SLIT3: variants seen among roughly 807,000 people sequenced by gnomAD.
SLIT3 encodes the protein slit homolog 3 protein.
Under a neutral mutation model 184.0 loss-of-function variants are expected in SLIT3, and 68 were observed. The observed-to-expected ratio is 0.37, with a 90% CI of 0.30 to 0.45. The LOEUF (loss-of-function observed/expected upper bound fraction) is 0.45, where lower values mean the gene tolerates loss of function less well. Among genes scored for constraint, SLIT3 ranks in the 20% least tolerant of loss-of-function variants. The pLI is 1.00. For missense variants in SLIT3, 1,707 were observed against 2,026.0 expected, an observed-to-expected ratio of 0.84 and a Z score of 3.02; for synonymous variants, 831 against 828.6, an observed-to-expected ratio of 1.00 and a Z score of -0.05.
intron 23 of SLIT3, among the ~76,000 whole-genome samples, chr5:168,717,456 A>G (rs1258056199): frequency 1.3e-5 from 2 of 152,016 alleles, no homozygotes; most frequent in African/African-American, 4.8e-5. Context: ...CTCTTCTTTC[A>G]GGTATCGCCT....
intron 26 of SLIT3, among the ~76,000 whole-genome samples, chr5:168,702,833 C>T (rs568699968): frequency 3.3e-4 from 50 of 152,146 alleles, no homozygotes; most frequent in African/African-American, 1.1e-3. Flanking sequence ...ACACATGGAC[C>T]GTGAAGGGCA....
At chr5:169,123,845 T>C (rs1411173102) in intron 4 of SLIT3, among the ~76,000 whole-genome samples, 1 of 152,140 alleles carries the variant, frequency 6.6e-6, no homozygotes, top group Admixed American at 6.5e-5. Context: ...TTCCAGGCAA[T>C]TTGCTTGCTG....
intron 4 of SLIT3, among the ~76,000 whole-genome samples, chr5:168,948,417 C>T (rs1204268685): frequency 6.6e-6 from 1 of 152,100 alleles, no homozygotes; most frequent in African/African-American, 2.4e-5. Flanking sequence ...AGAACAGAGC[C>T]GGAGCCTGAG....
At chr5:169,096,586 T>G (rs1759792469) in intron 4 of SLIT3, among the ~76,000 whole-genome samples, 1 of 152,226 alleles carries the variant, frequency 6.6e-6, no homozygotes, top group African/African-American at 2.4e-5. Context: ...TGGCCCAAAG[T>G]CACAGTTTGC....
chr5:168,910,750 AAAAAAAAAAG>A (rs1761225716), intron 4 of SLIT3, among the ~76,000 whole-genome samples: 1 of 151,912 alleles, frequency 6.6e-6, no homozygotes, highest in Non-Finnish European at 1.5e-5. Context: ...TGTCTCAAAA[AAAAAAAAAAG>A]AAAAAAGAAG....
chr5:169,208,642 C>A (rs943142477), intron 3 of SLIT3, among the ~76,000 whole-genome samples: 9 of 152,100 alleles, frequency 5.9e-5, no homozygotes, highest in East Asian at 1.9e-4. Context: ...ACATCTACAA[C>A]CATCTGAACG....
intron 14 of SLIT3, among the ~76,000 whole-genome samples, chr5:168,771,965 G>A (rs1344497596): frequency 6.6e-6 from 1 of 151,432 alleles, no homozygotes; most frequent in East Asian, 1.9e-4. Context: ...TTCACCATTG[G>A]GGGCACAATG....
chr5:169,035,765 A>C (rs1337560268), intron 4 of SLIT3, among the ~76,000 whole-genome samples: 1 of 152,144 alleles, frequency 6.6e-6, no homozygotes, highest in Non-Finnish European at 1.5e-5. Context: ...AGGTACAGTC[A>C]CTTGCCCAAG....
chr5:168,674,210 A>G (rs1246798386), intron 32 of SLIT3, among the ~76,000 whole-genome samples: 1 of 152,158 alleles, frequency 6.6e-6, no homozygotes, highest in Non-Finnish European at 1.5e-5. Context: ...TATCTCCACT[A>G]CAGAAATGAG....
At chr5:168,986,093 A>C (rs62378602) in intron 4 of SLIT3, among the ~76,000 whole-genome samples, 3,633 of 152,318 alleles carry the variant, frequency 0.024, 59 homozygotes, top group Non-Finnish European at 0.035. Flanking sequence ...GAGTCTTCTC[A>C]AAAGGCATAT....
At chr5:168,862,763 C>T (rs1759157726) in intron 5 of SLIT3, among the ~76,000 whole-genome samples, 1 of 152,108 alleles carries the variant, frequency 6.6e-6, no homozygotes, top group Non-Finnish European at 1.5e-5. Flanking sequence ...CAAGCTCTGC[C>T]TCCCAGGATC....
intron 31 of SLIT3, among the ~76,000 whole-genome samples, chr5:168,684,921 G>T (rs167124): frequency 4.4e-4 from 67 of 151,926 alleles, no homozygotes; most frequent in African/African-American, 1.5e-3. Context: ...TCTCTTGCGG[G>T]TGGGGCCCAG....
intron 5 of SLIT3, among the ~76,000 whole-genome samples, chr5:168,880,199 G>A (rs1306369377): frequency 2.0e-5 from 3 of 152,060 alleles, no homozygotes; most frequent in Non-Finnish European, 2.9e-5. Flanking sequence ...CTCCTGCCCC[G>A]ACCTTTCCTT....
In SLIT3 at chr5:169,194,905, C is replaced by A. The variant is rs80178064; in HGVS notation, c.342-1355G>T. 7.5e-3 allele frequency among the ~76,000 whole-genome samples: 1,142 copies of A among 152,270 alleles called. 29 individuals are homozygous for A. The highest frequency in any genetic ancestry group is 0.048 in the East Asian group (247 of 5,168). ...GGAGCACTGGGCCAAGAGAGACGCCCTGCTGCATGCTAGCCCCATGCCCCT... is the reference window on the plus strand; with the variant it reads ...GGAGCACTGGGCCAAGAGAGACGCCATGCTGCATGCTAGCCCCATGCCCCT... On this transcript the variant is annotated intron_variant, in intron 3 of 35. Coordinates refer to ENST00000519560, the MANE Select transcript of SLIT3 (RefSeq NM_003062.4).
intron 3 of SLIT3, among the ~76,000 whole-genome samples, chr5:169,229,311 A>G (rs968695514): frequency 6.6e-6 from 1 of 152,240 alleles, no homozygotes; most frequent in African/African-American, 2.4e-5. Flanking sequence ...GAGGGGAAAG[A>G]GCGAGGCCCA....
intron 26 of SLIT3, among the ~76,000 whole-genome samples, chr5:168,703,939 G>A (rs1190602711): frequency 1.1e-5 from 1 of 94,000 alleles, no homozygotes; most frequent in African/African-American, 4.4e-5. Flanking sequence ...GTGAGACTCT[G>A]TCTCCAAAAA....
intron 4 of SLIT3, among the ~76,000 whole-genome samples, chr5:168,907,977 T>TAGAGAG (rs1306645535): frequency 4.0e-4 from 25 of 62,236 alleles, no homozygotes; most frequent in African/African-American, 8.1e-4. Flanking sequence ...TATATATATA[T>TAGAGAG]ATAGAGAGAG....
chr5:169,187,188 A>T (rs903590771), intron 4 of SLIT3, among the ~76,000 whole-genome samples: 1 of 126,328 alleles, frequency 7.9e-6, no homozygotes, highest in Non-Finnish European at 1.5e-5. Context: ...ATCTCAGCTT[A>T]CTTCAACCTC....
At position 168,795,473 on chromosome 5, in the gene SLIT3, C is replaced by T. The variant is rs1192848940; in HGVS notation, c.1007+34G>A. On this transcript the variant is annotated intron_variant, in intron 10 of 35. Coordinates refer to ENST00000519560, the MANE Select transcript of SLIT3 (RefSeq NM_003062.4). Reference sequence around the variant, plus strand: ...TGCAAACAACCCTGGAAATTGAAAACATTTGGGCCCATTTCTCCACAGGGG... The same window carrying T: ...TGCAAACAACCCTGGAAATTGAAAATATTTGGGCCCATTTCTCCACAGGGG... The T allele has an allele frequency of 4.5e-6, 7 of 1,543,678 alleles. No homozygotes were observed. In the East Asian group the frequency reaches 1.1e-4, roughly 25 times the overall value.
Sources: allele counts gnomAD v4.1 joint callset (sites outside exome capture counted in the v4.1 genomes callset), GRCh38; gene constraint gnomAD v4.1.1; transcripts MANE v1.5; gene names NCBI Gene and HGNC (gene_info 2026-07-23, HGNC 2026-07-21).